MDGA2: variants seen among roughly 807,000 people sequenced by gnomAD.
MDGA2 encodes the protein MAM domain containing glycosylphosphatidylinositol anchor 2, also known as MAM domain-containing glycosylphosphatidylinositol anchor protein 2.
Under a neutral mutation model 117.8 loss-of-function variants are expected in MDGA2, and 40 were observed. The ratio of observed to expected loss-of-function variants is 0.34; its 90% CI spans 0.26 to 0.44. MDGA2 has a LOEUF of 0.44. Ranked by LOEUF, MDGA2 falls within the 20% of genes least tolerant of loss-of-function variation. The pLI, the probability that MDGA2 is intolerant of heterozygous loss-of-function variation, is 1.00. For synonymous variants in MDGA2, 452 were observed against 439.0 expected (o/e 1.03, Z -0.37); for missense variants, 1,123 against 1,250.6 (o/e 0.90, Z 1.54).
chr14:47,494,670 T>G (rs1333861665), intron 1 of MDGA2, among the ~76,000 whole-genome samples: 1 of 151,960 alleles, frequency 6.6e-6, no homozygotes, highest in Admixed American at 6.6e-5. Flanking sequence ...TTACATCTAG[T>G]TTTTTAATCC....
At chr14:47,125,873 AG>A (rs1469986299) in intron 5 of MDGA2, among the ~76,000 whole-genome samples, 3 of 152,066 alleles carry the variant, frequency 2.0e-5, no homozygotes, top group Non-Finnish European at 2.9e-5. Context: ...ATCCTAATAT[AG>A]GTAACCTACT....
chr14:47,414,475 T>G (rs1892435569), intron 1 of MDGA2, among the ~76,000 whole-genome samples: 1 of 152,144 alleles, frequency 6.6e-6, no homozygotes, highest in African/African-American at 2.4e-5. Flanking sequence ...AATAATAGCC[T>G]TTGCTAAATT....
At chr14:47,046,935 G>A (rs1316659880) in intron 7 of MDGA2, among the ~76,000 whole-genome samples, 1 of 151,868 alleles carries the variant, frequency 6.6e-6, no homozygotes, top group Non-Finnish European at 1.5e-5. Context: ...AACTACTCTG[G>A]GAGTAACAAA....
At chr14:47,606,291 A>C (rs1349007424) in intron 1 of MDGA2, among the ~76,000 whole-genome samples, 1 of 152,182 alleles carries the variant, frequency 6.6e-6, no homozygotes, top group African/African-American at 2.4e-5. Flanking sequence ...AAAGTATTTA[A>C]TCCCACGTAA....
At chr14:47,199,739 T>C (rs1410982795) in intron 3 of MDGA2, among the ~76,000 whole-genome samples, 1 of 152,156 alleles carries the variant, frequency 6.6e-6, no homozygotes, top group African/African-American at 2.4e-5. Context: ...GGACAGTTTC[T>C]TCCTCCACTA....
chr14:47,604,324 T>C (rs572922307), intron 1 of MDGA2, among the ~76,000 whole-genome samples: 1 of 152,208 alleles, frequency 6.6e-6, no homozygotes, highest in African/African-American at 2.4e-5. Flanking sequence ...TTTTTATTTT[T>C]ATTTTTTTAA....
chr14:47,023,197 G>GCAAAAAAAAAAAAA (rs1435992503), intron 8 of MDGA2, among the ~76,000 whole-genome samples: 1 of 69,622 alleles, frequency 1.4e-5, no homozygotes, highest in Non-Finnish European at 2.7e-5. Context: ...ATTCCCACTC[G>GCAAAAAAAAAAAAA]TAAAAAAAAA....
intron 1 of MDGA2, among the ~76,000 whole-genome samples, chr14:47,614,256 A>AT (rs113764230): frequency 3.6e-4 from 54 of 151,742 alleles, no homozygotes; most frequent in African/African-American, 1.2e-3. Flanking sequence ...TGTTGCGCTA[A>AT]TTTTTTTATT....
chr14:47,606,382 G>A (rs1192828208), intron 1 of MDGA2, among the ~76,000 whole-genome samples: 1 of 152,118 alleles, frequency 6.6e-6, no homozygotes, highest in South Asian at 2.1e-4. Context: ...ATTTTGATAT[G>A]GGCCTAATGA....
At chr14:47,456,538 GGTT>G (rs1378663720) in intron 1 of MDGA2, among the ~76,000 whole-genome samples, 1 of 151,376 alleles carries the variant, frequency 6.6e-6, no homozygotes, top group Non-Finnish European at 1.5e-5. Context: ...CCCAACTTCA[GGTT>G]ATCCACCCAT....
At chr14:47,187,401 A>T (rs1032370105) in intron 3 of MDGA2, among the ~76,000 whole-genome samples, 1 of 152,008 alleles carries the variant, frequency 6.6e-6, no homozygotes, top group African/African-American at 2.4e-5. Flanking sequence ...GCAAGATATA[A>T]TTTCTTCAGT....
chr14:47,452,158 G>A (rs1329914978), intron 1 of MDGA2, among the ~76,000 whole-genome samples: 1 of 152,002 alleles, frequency 6.6e-6, no homozygotes, highest in Non-Finnish European at 1.5e-5. Flanking sequence ...TGTATAGGCA[G>A]GTCAAAAGTT....
intron 9 of MDGA2, among the ~76,000 whole-genome samples, chr14:46,944,345 A>T (rs891192587): frequency 3.3e-5 from 5 of 152,030 alleles, no homozygotes; most frequent in African/African-American, 4.8e-5. Flanking sequence ...ATTGTCATAC[A>T]TATCATCAGA....
intron 7 of MDGA2, chr14:47,058,505 T>C: frequency 1.0e-6 from 1 of 983,592 alleles, no homozygotes; most frequent in Non-Finnish European, 1.2e-6. Flanking sequence ...GTTCATAAAA[T>C]TGATATAATC....
At chr14:46,909,211 G>T (rs543198796) in intron 10 of MDGA2, among the ~76,000 whole-genome samples, 1 of 152,044 alleles carries the variant, frequency 6.6e-6, no homozygotes, top group Non-Finnish European at 1.5e-5. Context: ...TATTCCTTTA[G>T]TATTCTACAA....
intron 6 of MDGA2, among the ~76,000 whole-genome samples, chr14:47,076,889 T>C (rs373666759): frequency 4.3e-4 from 65 of 152,250 alleles, no homozygotes; most frequent in African/African-American, 1.5e-3. Context: ...AGAGTCATAA[T>C]TGAAATTTAT....
intron 1 of MDGA2, among the ~76,000 whole-genome samples, chr14:47,448,243 T>C (rs1893167981): frequency 6.6e-6 from 1 of 152,102 alleles, no homozygotes; most frequent in South Asian, 2.1e-4. Flanking sequence ...CTCCACCTCC[T>C]CGGTTCAAGC....
chr14:47,077,606 AG>A (rs1890542657), intron 6 of MDGA2, among the ~76,000 whole-genome samples: 1 of 152,034 alleles, frequency 6.6e-6, no homozygotes, highest in Non-Finnish European at 1.5e-5. Context: ...ACATTTTACC[AG>A]GTGTTCATAT....
At chr14:46,899,931 G>T (rs1007994837) in intron 10 of MDGA2, among the ~76,000 whole-genome samples, 7 of 151,926 alleles carry the variant, frequency 4.6e-5, no homozygotes, top group Non-Finnish European at 2.9e-5. Flanking sequence ...AAAGAAATAT[G>T]TAGGAAAGAA....
Sources: gnomAD v4.1 joint callset for allele counts (sites outside exome capture counted in the v4.1 genomes callset) on GRCh38, gnomAD v4.1.1 for gene constraint, MANE v1.5 for transcripts, NCBI Gene and HGNC (gene_info 2026-07-23, HGNC 2026-07-21) for gene names.